PEBP4: variants seen among roughly 807,000 people sequenced by gnomAD.
PEBP4 encodes the protein phosphatidylethanolamine binding protein 4.
PEBP4 carries 22 observed loss-of-function variants against 23.9 expected under a neutral mutation model. The ratio of observed to expected loss-of-function variants is 0.92; its 90% CI spans 0.66 to 1.31. PEBP4 has a LOEUF of 1.31. PEBP4 is among the 40% of genes most tolerant of loss of function. The pLI is 0.00. For synonymous variants in PEBP4, 112 were observed against 99.3 expected (o/e 1.13, Z -0.76); for missense variants, 324 against 281.7 (o/e 1.15, Z -1.07).
At chr8:22,904,348 T>G (rs1808768261) in intron 3 of PEBP4, among the ~76,000 whole-genome samples, 1 of 152,168 alleles carries the variant, frequency 6.6e-6, no homozygotes, top group Non-Finnish European at 1.5e-5. Flanking sequence ...CCTAGACCTG[T>G]GCCCACGCCT....
intron 3 of PEBP4, among the ~76,000 whole-genome samples, chr8:22,860,442 G>A (rs1807753243): frequency 6.6e-6 from 1 of 151,998 alleles, no homozygotes; most frequent in East Asian, 1.9e-4. Context: ...CTATGAATTT[G>A]ACTCCTCTAG....
intron 4 of PEBP4, among the ~76,000 whole-genome samples, chr8:22,817,283 T>C (rs566282431): frequency 6.6e-6 from 1 of 152,284 alleles, no homozygotes; most frequent in African/African-American, 2.4e-5. Flanking sequence ...CTGAAGCCAA[T>C]TGTTAACGTT....
At chr8:22,780,489 C>T (rs1805892494) in intron 4 of PEBP4, among the ~76,000 whole-genome samples, 1 of 152,180 alleles carries the variant, frequency 6.6e-6, no homozygotes, top group Admixed American at 6.5e-5. Flanking sequence ...AAGCCAGGCA[C>T]ATTTGCATTT....
At chr8:22,902,512 G>C (rs1305622013) in intron 3 of PEBP4, among the ~76,000 whole-genome samples, 1 of 152,084 alleles carries the variant, frequency 6.6e-6, no homozygotes, top group Non-Finnish European at 1.5e-5. Context: ...CAAGCCCCAT[G>C]TTGCTTCATG....
chr8:22,871,084 C>T (rs1388116355), intron 3 of PEBP4, among the ~76,000 whole-genome samples: 1 of 152,112 alleles, frequency 6.6e-6, no homozygotes, highest in Non-Finnish European at 1.5e-5. Context: ...GAAGCAGGAT[C>T]CTTTAATCCA....
At chr8:22,714,794 A>T (rs1804380505) in intron 6 of PEBP4, among the ~76,000 whole-genome samples, 1 of 152,170 alleles carries the variant, frequency 6.6e-6, no homozygotes, top group Non-Finnish European at 1.5e-5. Flanking sequence ...ATAGCAATTA[A>T]GATAGCAAGC....
chr8:22,883,260 A>T (rs534940040), intron 3 of PEBP4, among the ~76,000 whole-genome samples: 1 of 152,316 alleles, frequency 6.6e-6, no homozygotes, highest in South Asian at 2.1e-4. Context: ...ACACTTTCTG[A>T]TGTGAGAACA....
chr8:22,804,853 C>G (rs991683070), intron 4 of PEBP4, among the ~76,000 whole-genome samples: 3 of 152,138 alleles, frequency 2.0e-5, no homozygotes, highest in African/African-American at 7.2e-5. Flanking sequence ...CCGTGACCAC[C>G]CTGCTGCAGC....
At chr8:22,807,163 T>TA (rs34463223) in intron 4 of PEBP4, among the ~76,000 whole-genome samples, 1 of 152,230 alleles carries the variant, frequency 6.6e-6, no homozygotes, top group African/African-American at 2.4e-5. Context: ...GTAATTCATT[T>TA]AGCAATCTCA....
intron 4 of PEBP4, among the ~76,000 whole-genome samples, chr8:22,747,795 C>T (rs1805159805): frequency 6.6e-6 from 1 of 152,158 alleles, no homozygotes; most frequent in African/African-American, 2.4e-5. Context: ...GATGGACTTC[C>T]TTCCTCTTTG....
intron 6 of PEBP4, among the ~76,000 whole-genome samples, chr8:22,717,129 G>C (rs542608450): frequency 6.6e-6 from 1 of 152,238 alleles, no homozygotes; most frequent in South Asian, 2.1e-4. Context: ...TGACCTCCCA[G>C]GCTCAGGTGA....
chr8:22,793,381 C>T (rs1393562399), intron 4 of PEBP4, among the ~76,000 whole-genome samples: 1 of 152,042 alleles, frequency 6.6e-6, no homozygotes, highest in East Asian at 1.9e-4. Flanking sequence ...ATTCTCCTGC[C>T]TCAGCCTCCC....
chr8:22,911,933 C>T (rs1808945966), intron 3 of PEBP4, among the ~76,000 whole-genome samples: 1 of 152,178 alleles, frequency 6.6e-6, no homozygotes, highest in African/African-American at 2.4e-5. Context: ...CAGCACTTGG[C>T]TGGGAGCTTT....
chr8:22,749,416 G>A (rs879370052), intron 4 of PEBP4, among the ~76,000 whole-genome samples: 6 of 152,120 alleles, frequency 3.9e-5, no homozygotes, highest in South Asian at 2.1e-4. Flanking sequence ...CCGGGCTCAC[G>A]GCCTCCACCT....
chr8:22,880,422 C>T (rs1039140103), intron 3 of PEBP4: 17 of 152,274 alleles, frequency 1.1e-4, no homozygotes, highest in South Asian at 2.1e-4. Context: ...TATAGATGGC[C>T]GCCCTGGGGT....
At chr8:22,811,684 C>T (rs1806631386) in intron 4 of PEBP4, among the ~76,000 whole-genome samples, 1 of 152,202 alleles carries the variant, frequency 6.6e-6, no homozygotes, top group Admixed American at 6.5e-5. Flanking sequence ...CAGGAGGTCA[C>T]AGGGGATCCC....
chr8:22,839,431 A>AAG (rs1807275324), intron 3 of PEBP4, among the ~76,000 whole-genome samples: 1 of 152,198 alleles, frequency 6.6e-6, no homozygotes, highest in Admixed American at 6.5e-5. Flanking sequence ...GGGGAGGCAG[A>AAG]GGCTGGAACT....
intron 4 of PEBP4, among the ~76,000 whole-genome samples, chr8:22,797,407 C>T (rs1400569657): frequency 2.0e-5 from 3 of 151,604 alleles, no homozygotes; most frequent in Admixed American, 2.0e-4. Flanking sequence ...TGGGAGGACA[C>T]CGAGGCCCAA....
chr8:22,927,604 G>A lies in PEBP4; in HGVS notation c.111C>T (p.Asp37=), dbSNP rs371970174. The A allele has an allele frequency of 1.9e-5, 30 of 1,611,814 alleles. No homozygotes were observed. In the Middle Eastern group the frequency reaches 6.6e-4, roughly 35 times the overall value. ...NSPCAHEALL[D]EDTLFCQGLE... ...CTTACTGGCAAAAGAGGGTGTCCTC[G>A]TCCAAGAGGGCCTCATGGGCACACG... The change falls in exon 2 of 7, where the codon GAC becomes GAT. Residue 37 remains aspartate, a synonymous_variant. Transcript: ENST00000256404.
Sources: allele counts gnomAD v4.1 joint callset (sites outside exome capture counted in the v4.1 genomes callset), GRCh38; gene constraint gnomAD v4.1.1; transcripts MANE v1.5; gene names NCBI Gene and HGNC (gene_info 2026-07-23, HGNC 2026-07-21).